GABRB3: variants seen among roughly 807,000 people sequenced by gnomAD.
The protein encoded by GABRB3 is gamma-aminobutyric acid receptor subunit beta-3.
GABRB3 carries 14 observed loss-of-function variants against 52.1 expected under a neutral mutation model. The observed-to-expected ratio is 0.27, with a 90% confidence interval of 0.18 to 0.42. GABRB3 has a LOEUF of 0.42. Among genes scored for constraint, GABRB3 ranks in the 10% least tolerant of loss-of-function variants. GABRB3 has a pLI of 1.00. For synonymous variants in GABRB3, 260 were observed against 232.3 expected (o/e 1.12, Z -1.08); for missense variants, 307 against 609.1 (o/e 0.50, Z 5.22).
intron 4 of GABRB3, among the ~76,000 whole-genome samples, chr15:26,584,624 C>T (rs1225267770): frequency 6.6e-6 from 1 of 152,206 alleles, no homozygotes; most frequent in Non-Finnish European, 1.5e-5. Context: ...AGTTAAGGCT[C>T]CACCATGCAA....
chr15:26,725,315 T>A (rs1468056107), intron 3 of GABRB3, among the ~76,000 whole-genome samples: 1 of 152,164 alleles, frequency 6.6e-6, no homozygotes, highest in East Asian at 1.9e-4. Context: ...TTAAATAAGT[T>A]TATAATTCCA....
intron 6 of GABRB3, among the ~76,000 whole-genome samples, chr15:26,571,810 G>C (rs546640299): frequency 1.3e-5 from 2 of 152,206 alleles, no homozygotes; most frequent in East Asian, 3.9e-4. Flanking sequence ...ATGCCTTTGG[G>C]AAGTCAAGGC....
intron 3 of GABRB3, among the ~76,000 whole-genome samples, chr15:26,736,758 G>A (rs552196003): frequency 6.6e-6 from 1 of 152,264 alleles, no homozygotes; most frequent in South Asian, 2.1e-4. Context: ...GTGGGTTCTT[G>A]TGAGGATAGG....
chr15:26,733,865 C>T (rs925664927), intron 3 of GABRB3, among the ~76,000 whole-genome samples: 1 of 152,112 alleles, frequency 6.6e-6, no homozygotes, highest in Non-Finnish European at 1.5e-5. Flanking sequence ...GGAGTCAAGA[C>T]TGTTCAATAG....
intron 3 of GABRB3, chr15:26,666,775 C>T (rs2140622720): frequency 6.6e-6 from 1 of 152,338 alleles, no homozygotes; most frequent in African/African-American, 2.4e-5. Context: ...GTTCCATGGT[C>T]CTAGGACACA....
chr15:26,736,668 A>T (rs7179925), intron 3 of GABRB3, among the ~76,000 whole-genome samples: 150,286 of 152,358 alleles, frequency 0.99, 74,148 homozygotes, highest in Middle Eastern at 1. Flanking sequence ...GCTGCAGGAC[A>T]GTGGATCTGG....
At chr15:26,615,856 C>T (rs1892233993) in intron 4 of GABRB3, 1 of 1,228,596 alleles carries the variant, frequency 8.1e-7, no homozygotes, top group African/African-American at 1.6e-5. Context: ...GTCTGAAGGT[C>T]TCAGTGATAC....
chr15:26,708,623 T>A (rs1370296236), intron 3 of GABRB3, among the ~76,000 whole-genome samples: 1 of 152,156 alleles, frequency 6.6e-6, no homozygotes, highest in Non-Finnish European at 1.5e-5. Context: ...GTAGGAGTCA[T>A]CGCAGGGAAG....
chr15:26,554,174 A>AAAG (rs1567097575), intron 8 of GABRB3, among the ~76,000 whole-genome samples: 11,403 of 26,808 alleles, frequency 0.43, 3,119 homozygotes, highest in Non-Finnish European at 0.52. Flanking sequence ...TATATATATA[A>AAAG]AGTATATATA....
In GABRB3 at chr15:26,578,899, C is replaced by T. The variant is rs140440403; in HGVS notation, c.682+1420G>A. ...GGACACTATTTCTTAATGATAAGCC[C>T]AAGTTCCTGCTGGCTCTCATTTCTC... is the stretch of plus-strand genomic sequence containing the variant. On this transcript the variant is annotated intron_variant, in intron 6 of 8. Transcript: ENST00000311550. Among the ~76,000 whole-genome samples, 280 of 152,322 alleles carry T rather than the reference C, an allele frequency of 1.8e-3. 2 individuals carry two copies. Among genetic ancestry groups the T allele is most frequent in the African/African-American group, 6.4e-3 (264 of 41,568 alleles).
chr15:26,754,928 T>C (rs1890618706), intron 3 of GABRB3, among the ~76,000 whole-genome samples: 1 of 151,880 alleles, frequency 6.6e-6, no homozygotes, highest in Admixed American at 6.6e-5. Flanking sequence ...AAACACAGGA[T>C]TAAACGGAGA....
chr15:26,612,493 C>T (rs1384329256), intron 4 of GABRB3: 3 of 152,118 alleles, frequency 2.0e-5, no homozygotes, highest in African/African-American at 7.2e-5. Context: ...GCAATGATTC[C>T]ACTTCTAAGA....
intron 3 of GABRB3, among the ~76,000 whole-genome samples, chr15:26,669,471 A>G (rs577798138): frequency 6.6e-6 from 1 of 152,142 alleles, no homozygotes; most frequent in Non-Finnish European, 1.5e-5. Context: ...GGTGTCCAAC[A>G]TGGTAATATT....
At chr15:26,757,204 G>A (rs996858789) in intron 3 of GABRB3, among the ~76,000 whole-genome samples, 1 of 152,000 alleles carries the variant, frequency 6.6e-6, no homozygotes, top group African/African-American at 2.4e-5. Flanking sequence ...TGGTTCCCTT[G>A]GGTCTTTCCA....
At chr15:26,607,068 G>A (rs939571986) in intron 4 of GABRB3, among the ~76,000 whole-genome samples, 8 of 152,042 alleles carry the variant, frequency 5.3e-5, no homozygotes, top group Non-Finnish European at 1.0e-4. Flanking sequence ...GGCAAACGCC[G>A]AGCTGTAACC....
At chr15:26,734,566 G>T (rs944820861) in intron 3 of GABRB3, among the ~76,000 whole-genome samples, 1 of 150,818 alleles carries the variant, frequency 6.6e-6, no homozygotes, top group Non-Finnish European at 1.5e-5. Context: ...GACTACTTGA[G>T]CCTAGGAGTT....
chr15:26,758,312 A>G (rs1566831861), intron 3 of GABRB3, among the ~76,000 whole-genome samples: 2 of 152,228 alleles, frequency 1.3e-5, no homozygotes, highest in Admixed American at 6.5e-5. Context: ...AGGAAATTAG[A>G]TGTCAATTAA....
At chr15:26,679,205 T>A (rs1287498654) in intron 3 of GABRB3, among the ~76,000 whole-genome samples, 1 of 152,180 alleles carries the variant, frequency 6.6e-6, no homozygotes, top group East Asian at 1.9e-4. Flanking sequence ...TTAACTCTTT[T>A]GGGGGGAAAG....
At chr15:26,646,310 T>C (rs1053320419) in intron 3 of GABRB3, among the ~76,000 whole-genome samples, 2 of 152,208 alleles carry the variant, frequency 1.3e-5, no homozygotes, top group African/African-American at 4.8e-5. Context: ...CGGAATCATA[T>C]ACTACGTGGT....
Sources: gnomAD v4.1 joint callset for allele counts (sites outside exome capture counted in the v4.1 genomes callset) on GRCh38, gnomAD v4.1.1 for gene constraint, MANE v1.5 for transcripts, NCBI Gene and HGNC (gene_info 2026-07-23, HGNC 2026-07-21) for gene names.